PCA3: variants seen among roughly 807,000 people sequenced by gnomAD.
The protein encoded by PCA3 is prostate cancer associated 3, also known as Differential Display code 3.
chr9:76,772,290 G>T (rs898629445), intron 2 of PCA3, among the ~76,000 whole-genome samples: 6 of 152,068 alleles, frequency 3.9e-5, no homozygotes, highest in Admixed American at 1.3e-4. Flanking sequence ...CTTTCTCAGG[G>T]ATGGACTCTT....
chr9:76,769,452 C>T (rs941691637), intron 2 of PCA3, among the ~76,000 whole-genome samples: 5 of 152,062 alleles, frequency 3.3e-5, no homozygotes, highest in Admixed American at 6.6e-5. Context: ...TTAAGAGTTT[C>T]GCTCTTCTTG....
intron 2 of PCA3, among the ~76,000 whole-genome samples, chr9:76,766,040 G>A (rs550317703): frequency 1.9e-3 from 295 of 151,922 alleles, no homozygotes; most frequent in African/African-American, 6.5e-3. Flanking sequence ...AAAAATAGCC[G>A]CGCGTGGTGG....
chr9:76,766,367 G>C (rs2052391636), intron 2 of PCA3, among the ~76,000 whole-genome samples: 1 of 152,000 alleles, frequency 6.6e-6, no homozygotes, highest in African/African-American at 2.4e-5. Flanking sequence ...GTGCCTTGTG[G>C]GAGAATACGT....
intron 2 of PCA3, chr9:76,779,003 T>A (rs1370066915): frequency 6.6e-6 from 1 of 152,214 alleles, no homozygotes; most frequent in African/African-American, 2.4e-5. Context: ...GCATCACTAG[T>A]CATCTTAAAT....
At chr9:76,782,155 A>C (rs2054484273) in intron 2 of PCA3, among the ~76,000 whole-genome samples, 1 of 152,138 alleles carries the variant, frequency 6.6e-6, no homozygotes. Flanking sequence ...TGGAGCTTGC[A>C]GTGAGCCAAG....
intron 2 of PCA3, among the ~76,000 whole-genome samples, chr9:76,783,057 T>G (rs907981165): frequency 6.6e-6 from 1 of 152,196 alleles, no homozygotes; most frequent in Non-Finnish European, 1.5e-5. Context: ...ATAGTAGGTA[T>G]TGTGGTGATT....
intron 2 of PCA3, among the ~76,000 whole-genome samples, chr9:76,779,130 T>C (rs2054103907): frequency 6.6e-6 from 1 of 152,210 alleles, no homozygotes; most frequent in South Asian, 2.1e-4. Flanking sequence ...AAAATCAATG[T>C]AGACGCAAAT....
chr9:76,781,514 T>C (rs946445717), intron 2 of PCA3, among the ~76,000 whole-genome samples: 2 of 152,222 alleles, frequency 1.3e-5, no homozygotes, highest in African/African-American at 2.4e-5. Flanking sequence ...ATATGCTTGG[T>C]TTATAAACTT....
Position 76,775,811 on chromosome 9 carries a change from C to T in PCA3, n.853-32772C>T, listed in dbSNP as rs560209519. 1.1e-4 allele frequency among the ~76,000 whole-genome samples: 16 copies of T among 152,330 alleles called. No individual in the cohort carries two copies. In the South Asian group the frequency reaches 3.3e-3, roughly 32 times the overall value. On this transcript the variant is annotated intron_variant and non_coding_transcript_variant, in intron 2 of 5. Coordinates refer to ENST00000644657, the Ensembl canonical transcript of PCA3. Reference sequence around the variant, plus strand: ...AGGATTGCTCACCCGGCCTTCATGCCGGCTATGCAGGCCCATTTCTAACAC... The same window carrying T: ...AGGATTGCTCACCCGGCCTTCATGCTGGCTATGCAGGCCCATTTCTAACAC...
chr9:76,770,180 A>T (rs895781441), intron 2 of PCA3, among the ~76,000 whole-genome samples: 2 of 152,092 alleles, frequency 1.3e-5, no homozygotes, highest in Admixed American at 1.3e-4. Context: ...AAACTTTTTG[A>T]CTTCATTTGA....
intron 2 of PCA3, among the ~76,000 whole-genome samples, chr9:76,781,993 T>TCGGATC (rs1000569428): frequency 6.6e-6 from 1 of 151,524 alleles, no homozygotes; most frequent in African/African-American, 2.4e-5. Flanking sequence ...AGCAGGTGGA[T>TCGGATC]CATGAGGTCA....
At chr9:76,770,320 A>G (rs1039167997) in intron 2 of PCA3, among the ~76,000 whole-genome samples, 1 of 152,200 alleles carries the variant, frequency 6.6e-6, no homozygotes, top group African/African-American at 2.4e-5. Flanking sequence ...TGAACCAAAT[A>G]CTTTTGGGAA....
intron 2 of PCA3, among the ~76,000 whole-genome samples, chr9:76,781,141 T>G (rs1460257781): frequency 6.6e-6 from 1 of 152,228 alleles, no homozygotes; most frequent in Non-Finnish European, 1.5e-5. Flanking sequence ...CAAACCATGG[T>G]CACCTCTCCC....
chr9:76,784,578 C>G (rs2054776313), intron 2 of PCA3: 1 of 152,228 alleles, frequency 6.6e-6, no homozygotes, highest in African/African-American at 2.4e-5. Flanking sequence ...CAGCCACACT[C>G]ATTTTTAATA....
chr9:76,767,672 A>C (rs775512001), intron 2 of PCA3, among the ~76,000 whole-genome samples: 2 of 152,058 alleles, frequency 1.3e-5, no homozygotes, highest in African/African-American at 4.8e-5. Context: ...GGCACCTTAA[A>C]GCCTCATCTC....
intron 2 of PCA3, chr9:76,782,527 A>C (rs1394626695): frequency 6.6e-6 from 1 of 152,242 alleles, no homozygotes; most frequent in African/African-American, 2.4e-5. Context: ...TCTTCTAAAA[A>C]TTAAATGAGT....
At chr9:76,787,520 C>T (rs574562941) in intron 2 of PCA3, 3 of 152,212 alleles carry the variant, frequency 2.0e-5, no homozygotes, top group Non-Finnish European at 4.4e-5. Context: ...CAAACCTACA[C>T]ATTCTGCACA....
intron 2 of PCA3, among the ~76,000 whole-genome samples, chr9:76,768,818 T>C (rs1416753651): frequency 6.6e-6 from 1 of 152,210 alleles, no homozygotes; most frequent in African/African-American, 2.4e-5. Context: ...GGTATGAGAC[T>C]CTGTATGGAT....
intron 2 of PCA3, among the ~76,000 whole-genome samples, chr9:76,774,572 T>G (rs942520388): frequency 5.3e-5 from 8 of 151,292 alleles, no homozygotes; most frequent in African/African-American, 1.9e-4. Flanking sequence ...AATTCTCCTG[T>G]CTCAGCCTCC....
Sources: gnomAD v4.1 joint callset for allele counts (sites outside exome capture counted in the v4.1 genomes callset) on GRCh38, gnomAD v4.1.1 for gene constraint, MANE v1.5 for transcripts, NCBI Gene and HGNC (gene_info 2026-07-23, HGNC 2026-07-21) for gene names.